The following PDS5B variants were observed in gnomAD, a reference collection of about 807,000 sequenced individuals.
PDS5B encodes the protein PDS5 cohesin associated factor B, also known as sister chromatid cohesion protein PDS5 homolog B.
Under a neutral mutation model 184.1 loss-of-function variants are expected in PDS5B, and 51 were observed. That is an observed-to-expected ratio of 0.28 (90% confidence interval 0.22 to 0.35). The LOEUF is 0.35. Ranked by LOEUF, PDS5B falls within the 10% of genes least tolerant of loss-of-function variation. The pLI is 1.00. For synonymous variants in PDS5B, 566 were observed against 569.2 expected, an observed-to-expected ratio of 0.99 and a Z score of 0.08; for missense variants, 1,180 against 1,723.3, an observed-to-expected ratio of 0.68 and a Z score of 5.58.
chr13:32,757,925 CAT>C (rs1954242804), intron 26 of PDS5B, among the ~76,000 whole-genome samples, 160 bp from the exon 27 acceptor site: 1 of 151,324 alleles, frequency 6.6e-6, no homozygotes, highest in East Asian at 1.9e-4. Context: ...GTTTGTATGA[CAT>C]ATTCTTTTTC....
At chr13:32,634,066 T>C (rs2058500368) in intron 1 of PDS5B, among the ~76,000 whole-genome samples, 1 of 152,204 alleles carries the variant, frequency 6.6e-6, no homozygotes, top group Non-Finnish European at 1.5e-5. Context: ...ATCTTCCAGT[T>C]GTTCAGAGCT....
intron 7 of PDS5B, 130 bp from the exon 8 acceptor site, chr13:32,673,086 T>A (rs768187393): frequency 2.6e-6 from 2 of 765,410 alleles, no homozygotes; most frequent in African/African-American, 3.5e-5. Context: ...CATATAATGT[T>A]AGAAAATATT....
chr13:32,764,803 A>G (rs1954532969), intron 31 of PDS5B, among the ~76,000 whole-genome samples: 1 of 152,112 alleles, frequency 6.6e-6, no homozygotes, highest in Admixed American at 6.5e-5. Flanking sequence ...AAGTAATCTC[A>G]ATTGTTCAGA....
rs1336028317 is a variant in PDS5B, at chr13:32,716,682, C to T, written c.2123+6576C>T. Among the ~76,000 whole-genome samples the T allele has an allele frequency of 1.2e-3, 161 of 134,860 alleles. 4 individuals are homozygous for T. Among genetic ancestry groups the T allele is most frequent in the African/African-American group, 4.2e-3 (151 of 36,246 alleles). 88.5% of individuals were successfully genotyped at this position (134,860 alleles called of 152,430 possible). A position where few individuals can be genotyped will look rare whatever the true frequency, so the allele number is the denominator to read the frequency against. On this transcript the variant is annotated intron_variant, in intron 19 of 34. Transcript: ENST00000315596. ...AGGGAGGTGGGGGGGGTCAGCCCCC[C>T]GCCCGGCCAGCTGCCCCGTTTGGGA...
chr13:32,688,391 A>AT (rs1951454367), intron 12 of PDS5B, 65 bp from the exon 13 acceptor site: 1 of 782,550 alleles, frequency 1.3e-6, no homozygotes. Context: ...TAGTTTTAGA[A>AT]TTTTATATAC....
intron 1 of PDS5B, among the ~76,000 whole-genome samples, chr13:32,594,712 C>A (rs1212647997): frequency 2.0e-5 from 3 of 152,092 alleles, no homozygotes; most frequent in Non-Finnish European, 4.4e-5. Context: ...TGTTTTTGTA[C>A]CCTCATGCTG....
At chr13:32,773,348 G>A (rs1311673564) in intron 34 of PDS5B, 24 bp downstream of exon 34, 3 of 1,592,924 alleles carry the variant, frequency 1.9e-6, no homozygotes. Flanking sequence ...GTTTCTGTGA[G>A]TGGTGTGGGA....
At chr13:32,609,861 C>T (rs2058114466) in intron 1 of PDS5B, among the ~76,000 whole-genome samples, 1 of 148,756 alleles carries the variant, frequency 6.7e-6, no homozygotes, top group Non-Finnish European at 1.5e-5. Flanking sequence ...ACTGAGATCT[C>T]TAGCAGAGGC....
chr13:32,702,793 T>C (rs1480708030), intron 17 of PDS5B, among the ~76,000 whole-genome samples: 3 of 152,140 alleles, frequency 2.0e-5, no homozygotes, highest in Non-Finnish European at 4.4e-5. Context: ...GGGGAGCAGA[T>C]TGTGAAAGCC....
intron 33 of PDS5B, among the ~76,000 whole-genome samples, chr13:32,772,915 T>A (rs1244032112): frequency 6.6e-6 from 1 of 152,104 alleles, no homozygotes; most frequent in Non-Finnish European, 1.5e-5. Context: ...CATAGATGCC[T>A]TTTACTGTGT....
At chr13:32,658,183 G>T in intron 3 of PDS5B, 56 bp from the exon 4 acceptor site, 1 of 810,060 alleles carries the variant, frequency 1.2e-6, no homozygotes, top group South Asian at 1.6e-5. Context: ...GAGTTTCATG[G>T]TTATTTTCAT....
chr13:32,726,009 G>A (rs1252943846), intron 19 of PDS5B, among the ~76,000 whole-genome samples: 3 of 151,794 alleles, frequency 2.0e-5, no homozygotes, highest in South Asian at 2.1e-4. Context: ...TTGAGAGGTC[G>A]CTCTTTTAAA....
intron 13 of PDS5B, among the ~76,000 whole-genome samples, chr13:32,692,790 A>G (rs1343342198): frequency 6.6e-6 from 1 of 152,026 alleles, no homozygotes; most frequent in Non-Finnish European, 1.5e-5. Context: ...TATAAAGGCA[A>G]TAAACAGGCA....
intron 1 of PDS5B, among the ~76,000 whole-genome samples, chr13:32,609,871 C>G (rs1486739769): frequency 6.8e-6 from 1 of 146,640 alleles, no homozygotes; most frequent in African/African-American, 2.5e-5. Context: ...CTAGCAGAGG[C>G]TAAAATTGTG....
intron 34 of PDS5B, 132 bp from the exon 35 acceptor site, chr13:32,774,884 TA>T: frequency 1.2e-6 from 1 of 861,816 alleles, no homozygotes; most frequent in Non-Finnish European, 1.9e-6. Flanking sequence ...AAAGTAAGGA[TA>T]AAAAGTTTCA....
At chr13:32,670,241 G>C (rs150472693) in intron 7 of PDS5B, among the ~76,000 whole-genome samples, 1 of 152,036 alleles carries the variant, frequency 6.6e-6, no homozygotes, top group East Asian at 1.9e-4. Flanking sequence ...GTTTGAGACA[G>C]AGTCTTGCTC....
At chr13:32,702,414 T>G (rs116829548) in intron 17 of PDS5B, among the ~76,000 whole-genome samples, 165 of 152,278 alleles carry the variant, frequency 1.1e-3, no homozygotes, top group African/African-American at 3.9e-3. Context: ...AAGTAAGTAA[T>G]CTCATGCCTT....
At chr13:32,635,341 C>CGT (rs2058531075) in intron 1 of PDS5B, among the ~76,000 whole-genome samples, 3 of 103,810 alleles carry the variant, frequency 2.9e-5, no homozygotes, top group African/African-American at 1.2e-4. Flanking sequence ...CCTGGCCTGT[C>CGT]TTTTTTTTTT....
chr13:32,655,372 ATATTTTT>A (rs1280658634), intron 3 of PDS5B, among the ~76,000 whole-genome samples: 1 of 52,304 alleles, frequency 1.9e-5, no homozygotes, highest in African/African-American at 9.6e-5. Flanking sequence ...ATATATATAT[ATATTTTT>A]TTTTTTTTTT....
Sources: allele counts gnomAD v4.1 joint callset (sites outside exome capture counted in the v4.1 genomes callset), GRCh38; gene constraint gnomAD v4.1.1; transcripts MANE v1.5; gene names NCBI Gene and HGNC (gene_info 2026-07-23, HGNC 2026-07-21).